Variants in GALNT13 observed in about 807,000 individuals in gnomAD.
GALNT13 encodes polypeptide N-acetylgalactosaminyltransferase 13.
A neutral mutation model predicts 64.2 loss-of-function variants in GALNT13; 28 were observed. The observed-to-expected ratio is 0.44, with a 90% CI of 0.32 to 0.60. GALNT13 has a LOEUF of 0.60. Ranked by LOEUF, GALNT13 falls within the 20% of genes least tolerant of loss-of-function variation. GALNT13 has a pLI of 0.05. For synonymous variants in GALNT13, 214 were observed against 224.6 expected (o/e 0.95, Z 0.42); for missense variants, 577 against 669.8 (o/e 0.86, Z 1.53).
chr2:153,072,453 C>T, the GALNT13 span, among the ~76,000 whole-genome samples: 17 of 152,180 alleles, frequency 1.1e-4, no homozygotes, highest in African/African-American at 3.9e-4. Flanking sequence ...ACAGAAGCCA[C>T]GGATCAAATG....
the GALNT13 span, among the ~76,000 whole-genome samples, chr2:153,417,802 A>T: frequency 1.3e-5 from 2 of 152,198 alleles, no homozygotes; most frequent in Non-Finnish European, 2.9e-5. Context: ...TCAGTAGAAA[A>T]GTCCAGGATG....
At chr2:154,284,768 A>G (rs937904161) in intron 8 of GALNT13, among the ~76,000 whole-genome samples, 3 of 152,146 alleles carry the variant, frequency 2.0e-5, no homozygotes, top group African/African-American at 7.2e-5. Context: ...GGAACCATCA[A>G]ACTATCTCCC....
the GALNT13 span, among the ~76,000 whole-genome samples, chr2:153,775,659 T>C: frequency 6.6e-6 from 1 of 152,280 alleles, no homozygotes; most frequent in East Asian, 1.9e-4. Flanking sequence ...GTACTCAGCT[T>C]ATGTAATTTT....
the GALNT13 span, among the ~76,000 whole-genome samples, chr2:153,270,187 C>T: frequency 0.83 from 126,456 of 152,140 alleles, 53,807 homozygotes; most frequent in African/African-American, 0.93. Flanking sequence ...GACCTTCTTT[C>T]ACTGGGTTTC....
the GALNT13 span, among the ~76,000 whole-genome samples, chr2:153,630,799 ATATATATATTTTTTTTT>A: frequency 7.4e-4 from 12 of 16,168 alleles, no homozygotes; most frequent in Admixed American, 3.3e-3. Context: ...ATATATATAT[ATATATATATTTTTTTTT>A]TTTTTTTTAT....
the GALNT13 span, among the ~76,000 whole-genome samples, chr2:153,668,565 A>G: frequency 1.3e-5 from 2 of 152,142 alleles, no homozygotes; most frequent in Admixed American, 1.3e-4. Context: ...CTTCAGAAGG[A>G]GGACATTGAG....
the GALNT13 span, among the ~76,000 whole-genome samples, chr2:153,193,472 G>A: frequency 1.1e-3 from 159 of 149,866 alleles, no homozygotes; most frequent in African/African-American, 3.6e-3. Context: ...GGGAGGGATA[G>A]CATTGGGAGA....
the GALNT13 span, among the ~76,000 whole-genome samples, chr2:153,312,673 A>G: frequency 2.0e-5 from 3 of 152,226 alleles, no homozygotes; most frequent in African/African-American, 4.8e-5. Flanking sequence ...CAAATCCAAC[A>G]AAAAGAAATA....
At position 154,207,325 on chromosome 2, in the gene GALNT13, C is replaced by T. The variant is rs573080581; in HGVS notation, c.312-34705C>T. Among the ~76,000 whole-genome samples, 241 of 152,222 alleles carry T rather than the reference C, an allele frequency of 1.6e-3. 2 individuals are homozygous for T. The highest frequency in any genetic ancestry group is 2.3e-3 in the Non-Finnish European group (157 of 68,016). On this transcript the variant is annotated intron_variant, in intron 4 of 12. Coordinates refer to ENST00000392825, the MANE Select transcript of GALNT13 (RefSeq NM_052917.4). The stretch of plus-strand genomic sequence containing the variant: ...CTTCTCCACTTGCCTTTGCTGTCTC[C>T]TTTTGTTGCTCTCCTATTAATAATC...
At chr2:153,639,471 C>T in the GALNT13 span, among the ~76,000 whole-genome samples, 802 of 152,140 alleles carry the variant, frequency 5.3e-3, 8 homozygotes, top group African/African-American at 0.018. Context: ...ATTTGAAAGA[C>T]CATGTACATG....
At chr2:153,657,772 A>G in the GALNT13 span, among the ~76,000 whole-genome samples, 196 of 152,252 alleles carry the variant, frequency 1.3e-3, 1 homozygote, top group African/African-American at 4.3e-3. Flanking sequence ...CCAATTAGGC[A>G]TATGTTTGAG....
intron 3 of GALNT13, among the ~76,000 whole-genome samples, chr2:154,060,128 T>C (rs1700098201): frequency 6.6e-6 from 1 of 152,152 alleles, no homozygotes; most frequent in Admixed American, 6.5e-5. Flanking sequence ...AGTGAACATT[T>C]GCAAACCAGG....
chr2:153,312,361 T>C, the GALNT13 span, among the ~76,000 whole-genome samples: 3 of 152,170 alleles, frequency 2.0e-5, no homozygotes, highest in Non-Finnish European at 4.4e-5. Context: ...ATTCTAATGA[T>C]GGAGGCTTTT....
the GALNT13 span, among the ~76,000 whole-genome samples, chr2:153,412,300 G>A: frequency 6.6e-6 from 1 of 152,234 alleles, no homozygotes; most frequent in South Asian, 2.1e-4. Flanking sequence ...TCTCACCTCC[G>A]TCACTTACTA....
At chr2:153,119,606 G>A in the GALNT13 span, among the ~76,000 whole-genome samples, 1 of 152,162 alleles carries the variant, frequency 6.6e-6, no homozygotes, top group East Asian at 1.9e-4. Context: ...GCTGACTCCT[G>A]CTGACAGGCT....
chr2:153,604,157 T>A, the GALNT13 span, among the ~76,000 whole-genome samples: 1 of 152,052 alleles, frequency 6.6e-6, no homozygotes, highest in African/African-American at 2.4e-5. Flanking sequence ...TCTTCCACCA[T>A]AGTCTCCTCC....
At chr2:153,606,970 T>C in the GALNT13 span, among the ~76,000 whole-genome samples, 2 of 151,810 alleles carry the variant, frequency 1.3e-5, no homozygotes, top group African/African-American at 4.8e-5. Flanking sequence ...TTTCAGTATA[T>C]AGATGCATAT....
intron 3 of GALNT13, among the ~76,000 whole-genome samples, chr2:154,119,583 TCTGA>T (rs1286382049): frequency 1.3e-5 from 2 of 151,476 alleles, no homozygotes; most frequent in Non-Finnish European, 2.9e-5. Context: ...AGTGAAGGTG[TCTGA>T]ATTTTTAAGA....
At chr2:153,674,576 A>C in the GALNT13 span, among the ~76,000 whole-genome samples, 1 of 152,226 alleles carries the variant, frequency 6.6e-6, no homozygotes, top group African/African-American at 2.4e-5. Flanking sequence ...CTTAAATGTA[A>C]GACCTCAAAC....
Sources: gnomAD v4.1 joint callset for allele counts (sites outside exome capture counted in the v4.1 genomes callset) on GRCh38, gnomAD v4.1.1 for gene constraint, MANE v1.5 for transcripts, NCBI Gene and HGNC (gene_info 2026-07-23, HGNC 2026-07-21) for gene names.